ZC3H3: variants seen among roughly 807,000 people sequenced by gnomAD.
The protein encoded by ZC3H3 is zinc finger CCCH domain-containing protein 3.
ZC3H3 carries 36 observed loss-of-function variants against 77.3 expected under a neutral mutation model. That is an observed-to-expected ratio of 0.47 (90% CI 0.36 to 0.61). The LOEUF (loss-of-function observed/expected upper bound fraction) is 0.61. Among genes scored for constraint, ZC3H3 ranks in the 20% least tolerant of loss-of-function variants. The pLI, the probability that ZC3H3 is intolerant of heterozygous loss-of-function variation, is 0.00. For missense variants in ZC3H3, 1,331 were observed against 1,312.2 expected (o/e 1.01, Z -0.22); for synonymous variants, 626 against 555.2 (o/e 1.13, Z -1.79).
intron 4 of ZC3H3, among the ~76,000 whole-genome samples, chr8:143,478,217 C>T (rs774056454): frequency 1.3e-5 from 2 of 152,200 alleles, no homozygotes; most frequent in South Asian, 2.1e-4. Flanking sequence ...AGGAGTGTCC[C>T]CCTGACTGAG....
intron 3 of ZC3H3, among the ~76,000 whole-genome samples, chr8:143,522,084 G>A (rs1563150): frequency 0.028 from 4,239 of 152,312 alleles, 180 homozygotes; most frequent in African/African-American, 0.096. Context: ...GCCCAGTGCT[G>A]AGCCCCCTGA....
At chr8:143,503,883 A>G (rs1263921226) in intron 4 of ZC3H3, among the ~76,000 whole-genome samples, 1 of 152,058 alleles carries the variant, frequency 6.6e-6, no homozygotes, top group African/African-American at 2.4e-5. Flanking sequence ...AGCCCCTATT[A>G]CAAACCCAGC....
Position 143,533,199 on chromosome 8 carries a change from C to T in ZC3H3, c.1561+3058G>A, listed in dbSNP as rs529522827. 1.3e-5 allele frequency among the ~76,000 whole-genome samples: 2 copies of T among 152,272 alleles called. No individual in the cohort carries two copies. Among genetic ancestry groups the T allele is most frequent in the African/African-American group, 2.4e-5 (1 of 41,548 alleles). ...TTCCCAGGACCTGGTCCCTCTGCCCCGTTGGCTGCATCCCCTCCAAGCCAC... is the reference window on the plus strand; with the variant it reads ...TTCCCAGGACCTGGTCCCTCTGCCCTGTTGGCTGCATCCCCTCCAAGCCAC... On this transcript the variant is annotated intron_variant, in intron 3 of 11. Transcript: ENST00000262577. The surrounding 1 kb of genome is among the most constrained non-coding windows in gnomAD (Gnocchi z 4.0).
intron 3 of ZC3H3, among the ~76,000 whole-genome samples, chr8:143,508,740 C>A (rs1821785936): frequency 6.6e-6 from 1 of 151,146 alleles, no homozygotes; most frequent in East Asian, 2.0e-4. Flanking sequence ...CCACCCCCTT[C>A]AGGGTCGCCC....
intron 3 of ZC3H3, among the ~76,000 whole-genome samples, chr8:143,529,982 A>C (rs1822549056): frequency 6.6e-6 from 1 of 151,630 alleles, no homozygotes; most frequent in South Asian, 2.1e-4. Flanking sequence ...GTGAGTGGAG[A>C]CTCCACTTCT....
chr8:143,539,711 G>A (rs529858944), intron 1 of ZC3H3, among the ~76,000 whole-genome samples: 20 of 152,300 alleles, frequency 1.3e-4, no homozygotes, highest in African/African-American at 4.6e-4. Context: ...ACAAGTGGCC[G>A]CACAGGCCCT....
At chr8:143,439,836 G>A (rs1056879173) in intron 11 of ZC3H3, among the ~76,000 whole-genome samples, 3 of 148,692 alleles carry the variant, frequency 2.0e-5, no homozygotes, top group African/African-American at 7.8e-5. Flanking sequence ...AGCCCTTGGT[G>A]AGGGGGGCCC....
In ZC3H3 at chr8:143,538,911, G is replaced by A. The variant is rs1822907517; in HGVS notation, c.456C>T (p.Thr152=). The part of the protein sequence containing the change: ...QRGSLEEFEE[T]PWSDQRPREG... ...CCCGGGGCCTTTGGTCACTCCAGGG[G>A]GTTTCCTCAAATTCTTCCAAAGAGC... The change falls in exon 2 of 12, where the codon ACC becomes ACT. Residue 152 remains threonine (T), a synonymous_variant. Transcript: ENST00000262577. The A allele has an allele frequency of 6.2e-7, 1 of 1,612,890 alleles. No individual in the cohort carries two copies.
chr8:143,468,809 C>T (rs1205341625), intron 5 of ZC3H3, 150 bp from the exon 6 acceptor site: 2 of 1,067,288 alleles, frequency 1.9e-6, no homozygotes, highest in Non-Finnish European at 1.3e-6. Flanking sequence ...AGCTCCCCTC[C>T]CCACAGTGGT....
intron 4 of ZC3H3, among the ~76,000 whole-genome samples, chr8:143,477,712 C>T (rs901375584): frequency 2.6e-5 from 4 of 152,180 alleles, no homozygotes; most frequent in African/African-American, 7.2e-5. Flanking sequence ...ACCTGGGGGA[C>T]ACTCAGCTTG....
intron 8 of ZC3H3, among the ~76,000 whole-genome samples, chr8:143,466,313 C>T (rs368186796): frequency 6.6e-5 from 10 of 152,308 alleles, no homozygotes; most frequent in African/African-American, 2.4e-4. Context: ...GGCACCTGAC[C>T]CGTGGGCCAC....
chr8:143,524,216 G>GA (rs1563878975), intron 3 of ZC3H3, among the ~76,000 whole-genome samples: 1 of 152,240 alleles, frequency 6.6e-6, no homozygotes, highest in African/African-American at 2.4e-5. Flanking sequence ...GGTGGGCTCT[G>GA]AGCCCCACTC....
chr8:143,540,039 G>C lies in ZC3H3; in HGVS notation c.47-719C>G, dbSNP rs558226001. ...TTCCCCCACCACAGGCCCTGCCCCC[G>C]GGGGCACAGAAAGCCACGTCCAGAC... On this transcript the variant is annotated intron_variant, in intron 1 of 11. Coordinates refer to ENST00000262577, the MANE Select transcript of ZC3H3 (RefSeq NM_015117.3). 3.9e-5 allele frequency among the ~76,000 whole-genome samples: 6 copies of C among 152,290 alleles called. No homozygotes were observed. In the South Asian group the frequency reaches 1.0e-3, roughly 26 times the overall value.
intron 9 of ZC3H3, among the ~76,000 whole-genome samples, chr8:143,450,136 A>T (rs1454133624): frequency 6.6e-6 from 1 of 152,150 alleles, no homozygotes; most frequent in East Asian, 1.9e-4. Context: ...CCAATTTTCT[A>T]TATTAGTCCA....
At chr8:143,503,474 T>C (rs1821589365) in intron 4 of ZC3H3, among the ~76,000 whole-genome samples, 1 of 151,926 alleles carries the variant, frequency 6.6e-6, no homozygotes, top group African/African-American at 2.4e-5. Context: ...CTGAGGCCAC[T>C]GGTCAGCACC....
intron 9 of ZC3H3, among the ~76,000 whole-genome samples, chr8:143,463,978 AAC>A (rs1282491304): frequency 6.6e-6 from 1 of 152,272 alleles, no homozygotes; most frequent in Non-Finnish European, 1.5e-5. Context: ...AAGCAAGGTT[AAC>A]AATTTCACTT....
rs1819876536 is a variant in ZC3H3 at position 143,446,967 on chromosome 8, C to T, written c.2308-5847G>A. Among the ~76,000 whole-genome samples the T allele has an allele frequency of 1.3e-5, 2 of 152,284 alleles. 1 individual carries two copies. Among genetic ancestry groups the T allele is most frequent in the South Asian group, 4.1e-4 (2 of 4,834 alleles). On this transcript the variant is annotated intron_variant, in intron 9 of 11. Transcript: ENST00000262577. ...CAGGTCACCTTTTCCCCAAGCCAGC[C>T]TGGCCCTGGGAGCATGGTCCATAGG...
At chr8:143,498,500 T>G (rs1357024656) in intron 4 of ZC3H3, among the ~76,000 whole-genome samples, 4 of 152,068 alleles carry the variant, frequency 2.6e-5, no homozygotes, top group African/African-American at 9.7e-5. Context: ...CCGTGGAGGC[T>G]GTGGTGGCTC....
chr8:143,537,098 GC>G (rs1563888601), intron 2 of ZC3H3, among the ~76,000 whole-genome samples: 2 of 152,124 alleles, frequency 1.3e-5, no homozygotes, highest in Non-Finnish European at 2.9e-5. Context: ...CAGGACCCCC[GC>G]CCTCTGCCCA....
Sources: allele counts gnomAD v4.1 joint callset (sites outside exome capture counted in the v4.1 genomes callset), GRCh38; gene constraint gnomAD v4.1.1; non-coding constraint Gnocchi (gnomAD v3.1); transcripts MANE v1.5; gene names NCBI Gene and HGNC (gene_info 2026-07-23, HGNC 2026-07-21).